Variants in CIRSR observed in about 807,000 individuals in gnomAD.
CIRSR encodes corepressor of RBPJ and splicing regulator, also known as CBF1 (RBPJ) interacting corepressor 1.
At chr2:174,389,530 T>A in the CIRSR span, among the ~76,000 whole-genome samples, 2 of 152,142 alleles carry the variant, frequency 1.3e-5, no homozygotes, top group Admixed American at 6.5e-5. Context: ...AGCATAAAAT[T>A]CTGGAAATTC....
At chr2:174,392,823 A>G in the CIRSR span, among the ~76,000 whole-genome samples, 1 of 152,240 alleles carries the variant, frequency 6.6e-6, no homozygotes, top group Non-Finnish European at 1.5e-5. Context: ...AGGTGCCTAT[A>G]GGACATCAAG....
the CIRSR span, among the ~76,000 whole-genome samples, chr2:174,391,685 A>C: frequency 7.7e-4 from 117 of 152,340 alleles, no homozygotes; most frequent in Non-Finnish European, 1.5e-3. Flanking sequence ...TCAATCCTGT[A>C]ATATTTTAAT....
the CIRSR span, among the ~76,000 whole-genome samples, chr2:174,374,284 C>A: frequency 6.6e-6 from 1 of 152,166 alleles, no homozygotes; most frequent in Non-Finnish European, 1.5e-5. Flanking sequence ...TCATTTTAGT[C>A]CCACCTCCTC....
the CIRSR span, among the ~76,000 whole-genome samples, chr2:174,376,239 A>G: frequency 2.0e-5 from 3 of 152,210 alleles, no homozygotes; most frequent in Non-Finnish European, 4.4e-5. Flanking sequence ...TAATGTTCTC[A>G]TCTTCTCCCA....
chr2:174,385,666 A>G, the CIRSR span, among the ~76,000 whole-genome samples: 3 of 152,304 alleles, frequency 2.0e-5, no homozygotes, highest in South Asian at 6.2e-4. Flanking sequence ...TGTTAAATGG[A>G]TATACGAGCC....
chr2:174,369,341 C>A, the CIRSR span, among the ~76,000 whole-genome samples: 2 of 152,192 alleles, frequency 1.3e-5, no homozygotes, highest in Non-Finnish European at 2.9e-5. Flanking sequence ...GAGTCTGGGG[C>A]CTTGCTTTGG....
the CIRSR span, chr2:174,348,809 G>A: frequency 6.2e-7 from 1 of 1,614,142 alleles, no homozygotes; most frequent in Admixed American, 1.7e-5. Flanking sequence ...TCCATTTGCT[G>A]TCCTCCCTAG....
the CIRSR span, among the ~76,000 whole-genome samples, chr2:174,370,783 C>T: frequency 3.1e-3 from 477 of 151,990 alleles, no homozygotes; most frequent in African/African-American, 0.011. Flanking sequence ...TGGTGGCAGG[C>T]GCCTGTAGTC....
At chr2:174,366,203 T>C in the CIRSR span, among the ~76,000 whole-genome samples, 1 of 152,110 alleles carries the variant, frequency 6.6e-6, no homozygotes, top group Non-Finnish European at 1.5e-5. Flanking sequence ...ATTCAAGAAC[T>C]GTGGGACAAT....
chr2:174,369,222 T>C, the CIRSR span, among the ~76,000 whole-genome samples: 1 of 152,252 alleles, frequency 6.6e-6, no homozygotes, highest in Non-Finnish European at 1.5e-5. Flanking sequence ...CCTTGCAGTT[T>C]TGTTAGGGTT....
the CIRSR span, chr2:174,351,824 C>A: frequency 1.3e-6 from 1 of 767,864 alleles, no homozygotes; most frequent in Non-Finnish European, 2.0e-6. Context: ...TAAGTAAAAT[C>A]ACAGCTAAAT....
At chr2:174,374,208 G>A in the CIRSR span, among the ~76,000 whole-genome samples, 5 of 152,180 alleles carry the variant, frequency 3.3e-5, no homozygotes, top group South Asian at 1.0e-3. Context: ...CTGTGCTTAT[G>A]TTTTTCTTTG....
the CIRSR span, among the ~76,000 whole-genome samples, chr2:174,354,688 ATAT>A: frequency 9.8e-6 from 1 of 101,642 alleles, no homozygotes; most frequent in South Asian, 2.4e-4. Flanking sequence ...TTTATATATT[ATAT>A]AATACATATA....
the CIRSR span, among the ~76,000 whole-genome samples, chr2:174,377,684 T>C: frequency 1.3e-5 from 2 of 150,838 alleles, no homozygotes; most frequent in Non-Finnish European, 3.0e-5. Flanking sequence ...CCAGGCATGG[T>C]GGTGTGTGTG....
chr2:174,348,742 C>T, the CIRSR span: 4 of 1,614,014 alleles, frequency 2.5e-6, no homozygotes, highest in East Asian at 8.9e-5. Flanking sequence ...CTTTCAGAGC[C>T]TCTCTTCTCT....
chr2:174,353,739 T>G, the CIRSR span, among the ~76,000 whole-genome samples: 4 of 152,196 alleles, frequency 2.6e-5, no homozygotes, highest in African/African-American at 9.6e-5. Flanking sequence ...GTGCTGGGAT[T>G]ACAGCCGTGA....
At chr2:174,354,478 ATATAT>A in the CIRSR span, among the ~76,000 whole-genome samples, 27 of 89,346 alleles carry the variant, frequency 3.0e-4, no homozygotes, top group South Asian at 1.9e-3. Context: ...TATATATAAT[ATATAT>A]TATATTATAT....
the CIRSR span, chr2:174,351,604 TA>T: frequency 1.2e-6 from 2 of 1,600,284 alleles, no homozygotes; most frequent in Non-Finnish European, 1.7e-6. Context: ...AGCTTACTGA[TA>T]AAAAGATCAT....
At chr2:174,348,767 G>T in the CIRSR span, 4 of 1,614,116 alleles carry the variant, frequency 2.5e-6, no homozygotes, top group South Asian at 3.3e-5. Flanking sequence ...TATGTTTATG[G>T]GTTCTGGACT....
Sources: gnomAD v4.1 joint callset for allele counts (sites outside exome capture counted in the v4.1 genomes callset) on GRCh38, gnomAD v4.1.1 for gene constraint, MANE v1.5 for transcripts, NCBI Gene and HGNC (gene_info 2026-07-23, HGNC 2026-07-21) for gene names.